Variants in CDK14 observed in about 807,000 individuals in gnomAD.
CDK14 encodes the protein cyclin-dependent kinase 14.
Under a neutral mutation model 60.7 loss-of-function variants are expected in CDK14, and 34 were observed. The ratio of observed to expected loss-of-function variants is 0.56; its 90% CI spans 0.43 to 0.75. The LOEUF (loss-of-function observed/expected upper bound fraction) is 0.75, where lower values mean the gene tolerates loss of function less well. Among genes scored for constraint, CDK14 ranks in the 30% least tolerant of loss-of-function variants. The pLI is 0.00. For missense variants in CDK14, 482 were observed against 564.1 expected (o/e 0.85, Z 1.47); for synonymous variants, 197 against 203.7 (o/e 0.97, Z 0.28).
Position 90,895,404 on chromosome 7 carries a change from T to A in CDK14, c.640-3887T>A, listed in dbSNP as rs1372254575. ...TCCTCTCCTCTCCTCTCCTCTCCTCTCCTCTCCTCTCCTCTCCTCTCCTCT... is the reference window on the plus strand; with the variant it reads ...TCCTCTCCTCTCCTCTCCTCTCCTCACCTCTCCTCTCCTCTCCTCTCCTCT... On this transcript the variant is annotated intron_variant, in intron 6 of 14. Coordinates refer to ENST00000380050, the MANE Select transcript of CDK14 (RefSeq NM_001287135.2). Among the ~76,000 whole-genome samples the A allele has an allele frequency of 1.5e-3, 17 of 11,682 alleles. 2 individuals are homozygous for A. Among genetic ancestry groups the A allele is most frequent in the South Asian group, 0.02 (2 of 100 alleles). 7.7% of individuals were successfully genotyped at this position (11,682 alleles called of 152,430 possible). A position where few individuals can be genotyped will look rare whatever the true frequency, so the allele number is the denominator to read the frequency against.
chr7:90,935,718 G>A (rs1418792915), intron 8 of CDK14, among the ~76,000 whole-genome samples: 1 of 151,834 alleles, frequency 6.6e-6, no homozygotes, highest in Non-Finnish European at 1.5e-5. Flanking sequence ...AGTAATATAT[G>A]TGCCTTGTTT....
intron 8 of CDK14, among the ~76,000 whole-genome samples, chr7:90,921,475 G>A (rs1239619355): frequency 6.6e-6 from 1 of 151,688 alleles, no homozygotes; most frequent in East Asian, 1.9e-4. Context: ...TTTAGTTTTT[G>A]CTTAAACTGC....
At position 90,637,541 on chromosome 7, in the gene CDK14, T is replaced by A. The variant is rs1276500181; in HGVS notation, c.123+33292T>A. On this transcript the variant is annotated intron_variant, in intron 2 of 14. Transcript: ENST00000380050. ...CTGTTCTTTTACATTTGCTGAGGAGTGCTTTACTTCCAAGTATGTGGTCAA... is the reference window on the plus strand; with the variant it reads ...CTGTTCTTTTACATTTGCTGAGGAGAGCTTTACTTCCAAGTATGTGGTCAA... Among the ~76,000 whole-genome samples, 576 of 151,754 alleles carry A rather than the reference T, an allele frequency of 3.8e-3. 1 individual carries two copies. Among genetic ancestry groups the A allele is most frequent in the African/African-American group, 0.013 (527 of 41,180 alleles).
chr7:90,635,252 T>A (rs1800112256), intron 2 of CDK14, among the ~76,000 whole-genome samples: 1 of 152,230 alleles, frequency 6.6e-6, no homozygotes, highest in Non-Finnish European at 1.5e-5. Flanking sequence ...TCTTCTAGGG[T>A]TTTTATGGTT....
intron 10 of CDK14, among the ~76,000 whole-genome samples, chr7:91,005,924 A>T (rs1450306063): frequency 6.6e-6 from 1 of 152,236 alleles, no homozygotes; most frequent in Non-Finnish European, 1.5e-5. Context: ...GGCACTTAAC[A>T]GATGGTGATG....
At chr7:91,037,590 T>A (rs931913341) in intron 10 of CDK14, among the ~76,000 whole-genome samples, 13 of 152,174 alleles carry the variant, frequency 8.5e-5, no homozygotes, top group African/African-American at 2.9e-4. Flanking sequence ...GTATAGCTCT[T>A]CAAAGCATGG....
intron 10 of CDK14, among the ~76,000 whole-genome samples, chr7:91,015,179 C>T (rs1796264772): frequency 6.6e-6 from 1 of 152,066 alleles, no homozygotes; most frequent in South Asian, 2.1e-4. Flanking sequence ...ACCTTACTTG[C>T]CCATTGTTCC....
chr7:90,984,906 A>C (rs1359073411), intron 10 of CDK14, among the ~76,000 whole-genome samples: 1 of 152,260 alleles, frequency 6.6e-6, no homozygotes, highest in Non-Finnish European at 1.5e-5. Context: ...ATCAAAAACA[A>C]GGAAAGTTCG....
At chr7:91,081,161 C>T (rs1338399315) in intron 12 of CDK14, among the ~76,000 whole-genome samples, 1 of 152,126 alleles carries the variant, frequency 6.6e-6, no homozygotes, top group Admixed American at 6.6e-5. Flanking sequence ...AAGCTGTAGC[C>T]TCTAGCCAAT....
intron 5 of CDK14, among the ~76,000 whole-genome samples, chr7:90,812,865 A>G (rs1317783026): frequency 6.6e-6 from 1 of 152,140 alleles, no homozygotes; most frequent in Middle Eastern, 3.2e-3. Flanking sequence ...ACTGTTTTTT[A>G]AAGGTTAAAT....
At chr7:90,674,329 G>A (rs1219257651) in intron 2 of CDK14, among the ~76,000 whole-genome samples, 1 of 152,178 alleles carries the variant, frequency 6.6e-6, no homozygotes, top group Non-Finnish European at 1.5e-5. Context: ...GTGGCTGGGG[G>A]CCAGTTGCTG....
intron 8 of CDK14, among the ~76,000 whole-genome samples, chr7:90,930,444 T>A (rs942888390): frequency 2.6e-5 from 4 of 152,040 alleles, no homozygotes; most frequent in Non-Finnish European, 5.9e-5. Flanking sequence ...TATTTGACCT[T>A]CTATGTGAAT....
At chr7:90,741,381 G>C (rs1431124359) in intron 3 of CDK14, among the ~76,000 whole-genome samples, 1 of 152,122 alleles carries the variant, frequency 6.6e-6, no homozygotes, top group Non-Finnish European at 1.5e-5. Flanking sequence ...TATACACCTG[G>C]AAAGATCTGA....
chr7:91,044,456 C>T (rs1797177625), intron 10 of CDK14, among the ~76,000 whole-genome samples: 1 of 152,146 alleles, frequency 6.6e-6, no homozygotes, highest in African/African-American at 2.4e-5. Flanking sequence ...CTTACATTTA[C>T]AGACTTACAA....
intron 6 of CDK14, among the ~76,000 whole-genome samples, chr7:90,895,357 T>TCACCTCTCCTCCCCTCCCCTCCCCTC (rs1792272693): frequency 2.9e-5 from 1 of 34,834 alleles, no homozygotes. Flanking sequence ...TCTCCTCTCC[T>TCACCTCTCCTCCCCTCCCCTCCCCTC]CACCTCTCCT....
chr7:90,728,569 T>C (rs1050564307), intron 3 of CDK14, among the ~76,000 whole-genome samples: 3 of 152,132 alleles, frequency 2.0e-5, no homozygotes, highest in Admixed American at 6.5e-5. Context: ...ACTTCATATG[T>C]TTCTGAGGAT....
chr7:91,081,629 A>G (rs1798485854), intron 12 of CDK14, among the ~76,000 whole-genome samples: 1 of 152,204 alleles, frequency 6.6e-6, no homozygotes, highest in Non-Finnish European at 1.5e-5. Flanking sequence ...TTCTTGAGAA[A>G]TGAATCCTTA....
In CDK14 at chr7:90,964,111, G is replaced by C. The variant is rs547656489; in HGVS notation, c.947+8294G>C. ...TCAGTAACAAGCGTCATGGCAGTCT[G>C]ACATTGGGCAGGCAGATGTCTTCAT... is the stretch of plus-strand genomic sequence containing the variant. On this transcript the variant is annotated intron_variant, in intron 9 of 14. Coordinates refer to ENST00000380050, the MANE Select transcript of CDK14 (RefSeq NM_001287135.2). Among the ~76,000 whole-genome samples, 5 of 152,302 alleles carry C rather than the reference G, an allele frequency of 3.3e-5. No individual in the cohort carries two copies. In the East Asian group the frequency reaches 9.6e-4, roughly 29 times the overall value.
In CDK14 at chr7:90,979,104, A is replaced by T. The variant is rs991759387; in HGVS notation, c.948-5044A>T. Among the ~76,000 whole-genome samples the T allele has an allele frequency of 3.3e-5, 5 of 152,264 alleles. No homozygotes were observed. The East Asian group carries it at 7.7e-4, about 23-fold the overall frequency. On this transcript the variant is annotated intron_variant, in intron 9 of 14. Transcript: ENST00000380050. ...CATTTCGATGAGAAAGCAGCCATAC[A>T]TGGTACCTAAATGAATGAGTGTGGT...
Sources: allele counts gnomAD v4.1 joint callset (sites outside exome capture counted in the v4.1 genomes callset), GRCh38; gene constraint gnomAD v4.1.1; transcripts MANE v1.5; gene names NCBI Gene and HGNC (gene_info 2026-07-23, HGNC 2026-07-21).